LOC112694756: variants seen among roughly 807,000 people sequenced by gnomAD.
chr16:30,067,187 G>T, the LOC112694756 span: 1 of 1,610,824 alleles, frequency 6.2e-7, no homozygotes, highest in Non-Finnish European at 8.5e-7. Flanking sequence ...GGGAGATGAT[G>T]GGAAACCCTA....
At chr16:30,068,464 A>G in the LOC112694756 span, 1 of 702,086 alleles carries the variant, frequency 1.4e-6, no homozygotes, top group African/African-American at 1.8e-5. Flanking sequence ...CTGGGGCTAA[A>G]GAAGAGGAAA....
At chr16:30,061,438 G>A in the LOC112694756 span, among the ~76,000 whole-genome samples, 1 of 152,106 alleles carries the variant, frequency 6.6e-6, no homozygotes, top group East Asian at 1.9e-4. Context: ...CCCAGAGAGA[G>A]GCTGATGCTC....
the LOC112694756 span, chr16:30,070,147 A>G: frequency 6.2e-7 from 1 of 1,613,800 alleles, no homozygotes; most frequent in Admixed American, 1.7e-5. Context: ...AGGAAAGTAC[A>G]CTCCGAGCGG....
the LOC112694756 span, chr16:30,068,637 C>G: frequency 1.9e-6 from 3 of 1,614,012 alleles, no homozygotes; most frequent in Non-Finnish European, 1.7e-6. Flanking sequence ...GTTACCCTGA[C>G]CCCAACAGGT....
At chr16:30,063,858 G>C in the LOC112694756 span, 1 of 399,110 alleles carries the variant, frequency 2.5e-6, no homozygotes, top group South Asian at 1.3e-4. Context: ...CAGGGCCCCT[G>C]CCCTCTGGGG....
At chr16:30,063,729 G>T in the LOC112694756 span, 2 of 399,432 alleles carry the variant, frequency 5.0e-6, no homozygotes, top group East Asian at 7.1e-5. Context: ...CCTCCCTCAG[G>T]ACTGGGCACC....
At chr16:30,061,100 C>A in the LOC112694756 span, among the ~76,000 whole-genome samples, 1 of 152,284 alleles carries the variant, frequency 6.6e-6, no homozygotes, top group Admixed American at 6.5e-5. Context: ...CCATCCTGGG[C>A]CACTTCAGCC....
the LOC112694756 span, chr16:30,067,905 G>T: frequency 1.8e-6 from 1 of 567,126 alleles, no homozygotes; most frequent in Non-Finnish European, 3.2e-6. Flanking sequence ...AGAGTAAGTG[G>T]CAGAGCCCCA....
At chr16:30,067,444 TC>T in the LOC112694756 span, 19 of 1,613,178 alleles carry the variant, frequency 1.2e-5, no homozygotes, top group Non-Finnish European at 1.5e-5. Context: ...CATGTGACAC[TC>T]CCAGGGAGCA....
chr16:30,070,414 A>T, the LOC112694756 span: 1 of 600,126 alleles, frequency 1.7e-6, no homozygotes, highest in Non-Finnish European at 3.0e-6. Context: ...TTTAAGGGGG[A>T]GTCGGCCGTC....
chr16:30,070,366 CCAT>C, the LOC112694756 span: 1 of 701,726 alleles, frequency 1.4e-6, no homozygotes, highest in East Asian at 2.7e-5. Context: ...AATGCTAAGT[CCAT>C]CACCCTTTCC....
the LOC112694756 span, chr16:30,066,829 CTGCT>C: frequency 6.6e-7 from 1 of 1,515,438 alleles, no homozygotes; most frequent in East Asian, 2.5e-5. Context: ...GTTGGGCCCT[CTGCT>C]TGATTCACGA....
the LOC112694756 span, chr16:30,069,761 T>C: frequency 6.2e-7 from 1 of 1,611,934 alleles, no homozygotes; most frequent in Non-Finnish European, 8.5e-7. Context: ...CCATGGCAAC[T>C]TCCACCAGCT....
the LOC112694756 span, chr16:30,063,805 G>C: frequency 2.5e-6 from 1 of 399,318 alleles, no homozygotes; most frequent in African/African-American, 2.1e-5. Context: ...GACTGCCAGA[G>C]CCTCAACTGT....
At chr16:30,069,696 T>C in the LOC112694756 span, 1 of 1,612,956 alleles carries the variant, frequency 6.2e-7, no homozygotes, top group Non-Finnish European at 8.5e-7. Flanking sequence ...CTCATCTTGA[T>C]CTCTATGCAG....
At chr16:30,070,295 C>T in the LOC112694756 span, 6 of 1,404,004 alleles carry the variant, frequency 4.3e-6, no homozygotes, top group Non-Finnish European at 6.0e-6. Flanking sequence ...CCTCGGGGCT[C>T]CAGGCTGGCT....
chr16:30,069,649 C>T, the LOC112694756 span: 29 of 1,613,592 alleles, frequency 1.8e-5, no homozygotes, highest in East Asian at 2.2e-5. Flanking sequence ...AGCGCTGCGC[C>T]GCACAGTGCC....
At chr16:30,069,664 G>T in the LOC112694756 span, 1 of 1,613,420 alleles carries the variant, frequency 6.2e-7, no homozygotes, top group Non-Finnish European at 8.5e-7. Context: ...AGTGCCCCCC[G>T]CTGTCACTGG....
the LOC112694756 span, among the ~76,000 whole-genome samples, chr16:30,059,367 G>A: frequency 1.3e-5 from 2 of 151,672 alleles, no homozygotes; most frequent in Non-Finnish European, 2.9e-5. Flanking sequence ...GCGTGGTGGC[G>A]GGCGCCTGTA....
Sources: allele counts gnomAD v4.1 joint callset (sites outside exome capture counted in the v4.1 genomes callset), GRCh38; gene constraint gnomAD v4.1.1; transcripts MANE v1.5.